Variants in CHODL observed in about 807,000 individuals in gnomAD.
The protein encoded by CHODL is transmembrane protein MT75.
In CHODL, 29 loss-of-function variants were observed where a neutral mutation model predicts 34.5. That is an observed-to-expected ratio of 0.84 (90% confidence interval 0.63 to 1.15). CHODL has a LOEUF of 1.15. CHODL is among the 50% of genes most tolerant of loss of function. CHODL has a pLI of 0.00. For synonymous variants in CHODL, 125 were observed against 116.1 expected, an observed-to-expected ratio of 1.08 and a Z score of -0.49; for missense variants, 332 against 332.5, an observed-to-expected ratio of 1.00 and a Z score of 0.01.
At chr21:18,087,489 A>T (rs1303865334) in intron 2 of CHODL, among the ~76,000 whole-genome samples, 1 of 152,118 alleles carries the variant, frequency 6.6e-6, no homozygotes, top group Admixed American at 6.5e-5. Flanking sequence ...AATGTAGTCC[A>T]TTTGCATCTC....
intron 2 of CHODL, among the ~76,000 whole-genome samples, chr21:18,071,373 CTGACCTCA>C (rs988668576): frequency 3.9e-5 from 6 of 151,946 alleles, no homozygotes; most frequent in African/African-American, 1.5e-4. Flanking sequence ...TCTCGAACCC[CTGACCTCA>C]TGATCCGCCC....
At chr21:18,225,362 G>A (rs956357835) in intron 2 of CHODL, among the ~76,000 whole-genome samples, 1 of 152,000 alleles carries the variant, frequency 6.6e-6, no homozygotes, top group Non-Finnish European at 1.5e-5. Context: ...ATTTAAGGAC[G>A]ATTGCTTTTC....
chr21:18,148,403 G>A (rs1376814614), intron 2 of CHODL, among the ~76,000 whole-genome samples: 1 of 151,764 alleles, frequency 6.6e-6, no homozygotes, highest in Non-Finnish European at 1.5e-5. Context: ...TCCATTTAAT[G>A]TAGTTTATAT....
chr21:18,238,990 A>G (rs1458797251), intron 2 of CHODL, among the ~76,000 whole-genome samples: 1 of 152,090 alleles, frequency 6.6e-6, no homozygotes, highest in Non-Finnish European at 1.5e-5. Context: ...AATTAAGACT[A>G]CCTTATGAAT....
At chr21:18,230,991 C>G (rs1320058854) in intron 2 of CHODL, among the ~76,000 whole-genome samples, 1 of 151,968 alleles carries the variant, frequency 6.6e-6, no homozygotes, top group African/African-American at 2.4e-5. Context: ...TGTTTCAACC[C>G]TTATAATGAA....
At chr21:18,263,685 C>G (rs889475637) in intron 5 of CHODL, among the ~76,000 whole-genome samples, 5 of 152,166 alleles carry the variant, frequency 3.3e-5, no homozygotes, top group Middle Eastern at 3.4e-3. Flanking sequence ...CTAGAATAAA[C>G]TAGACATCTT....
At chr21:18,181,001 A>G (rs1028976625) in intron 2 of CHODL, among the ~76,000 whole-genome samples, 1 of 152,230 alleles carries the variant, frequency 6.6e-6, no homozygotes, top group Non-Finnish European at 1.5e-5. Context: ...ATTATAATCA[A>G]TAGCAACAGA....
At chr21:18,136,574 CAA>C (rs987732933) in intron 2 of CHODL, among the ~76,000 whole-genome samples, 48 of 151,992 alleles carry the variant, frequency 3.2e-4, no homozygotes, top group Non-Finnish European at 6.0e-4. Flanking sequence ...TTATTTGGTA[CAA>C]ATTACATTTT....
chr21:18,198,336 T>C (rs2073612337), intron 2 of CHODL, among the ~76,000 whole-genome samples: 2 of 152,196 alleles, frequency 1.3e-5, no homozygotes, highest in African/African-American at 4.8e-5. Context: ...TAAAACAGAC[T>C]GTATTTCCAT....
At chr21:18,180,810 C>A (rs1480665808) in intron 2 of CHODL, among the ~76,000 whole-genome samples, 1 of 152,144 alleles carries the variant, frequency 6.6e-6, no homozygotes, top group East Asian at 1.9e-4. Flanking sequence ...GCTAGAATTA[C>A]CTTCATCTTT....
Position 18,256,490 on chromosome 21 carries a change from A to AT in CHODL, c.80-18dup. The AT allele has an allele frequency of 6.7e-7, 1 of 1,494,758 alleles. No individual in the cohort carries two copies. Among genetic ancestry groups the AT allele is most frequent in the Non-Finnish European group, 9.1e-7 (1 of 1,097,532 alleles). The allele number at this position is 1,494,758 out of a possible 1,614,324, so 92.6% of individuals were successfully genotyped here. On this transcript the variant is annotated intron_variant, in intron 1 of 5. Transcript: ENST00000299295. ...GAGTTCCGATTATCAATATATGGGCATCTTTTTTTTTTTTTCAGGCCAAAA... is the reference window on the plus strand; with the variant it reads ...GAGTTCCGATTATCAATATATGGGCATTCTTTTTTTTTTTTTCAGGCCAAAA...
At chr21:18,209,890 A>G (rs2073754776) in intron 2 of CHODL, among the ~76,000 whole-genome samples, 2 of 152,126 alleles carry the variant, frequency 1.3e-5, no homozygotes, top group Admixed American at 1.3e-4. Flanking sequence ...TGGCTGAGAT[A>G]GTATCCAAGT....
chr21:18,193,808 T>G (rs1297042920), intron 2 of CHODL, among the ~76,000 whole-genome samples: 2 of 152,016 alleles, frequency 1.3e-5, no homozygotes, highest in East Asian at 3.9e-4. Context: ...TCATTCAAGA[T>G]TTACAATGGT....
Position 18,063,819 on chromosome 21 carries a change from A to G in CHODL, c.-45+35848A>G, listed in dbSNP as rs1174033748. 2.0e-5 allele frequency among the ~76,000 whole-genome samples: 3 copies of G among 152,186 alleles called. No individual in the cohort carries two copies. The East Asian group carries it at 5.8e-4, about 29-fold the overall frequency. On this transcript the variant is annotated intron_variant, in intron 2 of 6. Transcript: ENST00000400127. ...TGTTTAACATGGCCTCTAATGCCAAACTTAGCTGGTATCTACCTTCTTTCT... is the reference window on the plus strand; with the variant it reads ...TGTTTAACATGGCCTCTAATGCCAAGCTTAGCTGGTATCTACCTTCTTTCT...
Position 18,259,457 on chromosome 21 carries a change from G to A in CHODL, c.548-743G>A, listed in dbSNP as rs142233818. The stretch of plus-strand genomic sequence containing the variant: ...GTGATGGAATGATCTGTGCAGCACC[G>A]CACCATGGCACACGTTTACCCACGT... On this transcript the variant is annotated intron_variant, in intron 3 of 5. Coordinates refer to ENST00000299295, the MANE Select transcript of CHODL (RefSeq NM_024944.3). 1.4e-3 allele frequency among the ~76,000 whole-genome samples: 216 copies of A among 152,178 alleles called. 1 individual carries two copies. Among genetic ancestry groups the A allele is most frequent in the African/African-American group, 5.1e-3 (210 of 41,528 alleles).
chr21:17,944,376 G>A (rs2063389026), intron 1 of CHODL, among the ~76,000 whole-genome samples: 1 of 152,160 alleles, frequency 6.6e-6, no homozygotes, highest in Non-Finnish European at 1.5e-5. Context: ...CAGGTAGAAA[G>A]ATTCTCACCT....
chr21:18,043,842 G>A (rs112807015), intron 2 of CHODL, among the ~76,000 whole-genome samples: 8 of 152,046 alleles, frequency 5.3e-5, no homozygotes, highest in Non-Finnish European at 8.8e-5. Context: ...GGCGGAAGGC[G>A]AAAGGCATGT....
intron 2 of CHODL, among the ~76,000 whole-genome samples, chr21:18,108,654 C>T (rs1273709738): frequency 6.6e-6 from 1 of 152,088 alleles, no homozygotes. Flanking sequence ...TACATAAATC[C>T]TATACAGATA....
At chr21:18,160,564 C>T (rs571892623) in intron 2 of CHODL, among the ~76,000 whole-genome samples, 4 of 152,128 alleles carry the variant, frequency 2.6e-5, no homozygotes, top group South Asian at 2.1e-4. Context: ...TTAGCGTCCA[C>T]GTATAAGTAA....
Sources: gnomAD v4.1 joint callset for allele counts (sites outside exome capture counted in the v4.1 genomes callset) on GRCh38, gnomAD v4.1.1 for gene constraint, MANE v1.5 for transcripts, NCBI Gene and HGNC (gene_info 2026-07-23, HGNC 2026-07-21) for gene names.